The following ATP2B1 variants were observed in gnomAD, a reference collection of about 807,000 sequenced individuals.
ATP2B1 encodes the protein ATPase plasma membrane Ca2+ transporting 1, also known as plasma membrane calcium-transporting ATPase 1.
Under a neutral mutation model 124.2 loss-of-function variants are expected in ATP2B1, and 14 were observed. That is an observed-to-expected ratio of 0.11 (90% CI 0.07 to 0.18). The LOEUF (loss-of-function observed/expected upper bound fraction) is 0.18, where lower values mean the gene tolerates loss of function less well. ATP2B1 is among the 10% of genes least tolerant of loss of function. ATP2B1 has a pLI of 1.00. For missense variants in ATP2B1, 763 were observed against 1,466.1 expected (o/e 0.52, Z 7.83); for synonymous variants, 449 against 492.4 (o/e 0.91, Z 1.17).
chr12:89,629,772 G>T (rs771500072), intron 6 of ATP2B1, among the ~76,000 whole-genome samples: 8 of 152,098 alleles, frequency 5.3e-5, no homozygotes, highest in Non-Finnish European at 7.4e-5. Flanking sequence ...CAACCTAAAG[G>T]GAAAAGACTC....
At chr12:89,676,969 AT>A (rs1459037997) in intron 1 of ATP2B1, among the ~76,000 whole-genome samples, 1 of 152,100 alleles carries the variant, frequency 6.6e-6, no homozygotes, top group African/African-American at 2.4e-5. Flanking sequence ...ACTTGTATGC[AT>A]TATGGACCAA....
chr12:89,608,753 A>G (rs1466622134), intron 15 of ATP2B1, among the ~76,000 whole-genome samples: 1 of 152,190 alleles, frequency 6.6e-6, no homozygotes, highest in Non-Finnish European at 1.5e-5. Flanking sequence ...GAATCCTGCT[A>G]AATGCTCAAG....
At chr12:89,616,719 A>C in intron 12 of ATP2B1, 83 bp downstream of exon 12, 1 of 1,311,362 alleles carries the variant, frequency 7.6e-7, no homozygotes, top group Non-Finnish European at 1.1e-6. Context: ...CAAGAATTTT[A>C]CTAGAAAACT....
At chr12:89,606,337 A>G (rs1876862840) in intron 15 of ATP2B1, among the ~76,000 whole-genome samples, 1 of 152,226 alleles carries the variant, frequency 6.6e-6, no homozygotes, top group Admixed American at 6.5e-5. Flanking sequence ...TACATAACTA[A>G]GTAAAAGAAG....
chr12:89,629,916 G>T (rs905483923), intron 6 of ATP2B1, among the ~76,000 whole-genome samples: 2 of 151,896 alleles, frequency 1.3e-5, no homozygotes, highest in African/African-American at 2.4e-5. Context: ...ACAGTTTCTT[G>T]TAAGATCCTT....
intron 2 of ATP2B1, among the ~76,000 whole-genome samples, chr12:89,644,159 A>C (rs997895387): frequency 1.3e-5 from 2 of 152,194 alleles, no homozygotes; most frequent in Non-Finnish European, 2.9e-5. Flanking sequence ...AGAATGCTAG[A>C]GAAGAAGGCA....
chr12:89,666,174 T>C (rs1195906059), intron 1 of ATP2B1, among the ~76,000 whole-genome samples: 1 of 152,142 alleles, frequency 6.6e-6, no homozygotes, highest in African/African-American at 2.4e-5. Context: ...TAAGGTAAAT[T>C]CTATTTTAAG....
chr12:89,629,427 C>T (rs912466727), intron 6 of ATP2B1, among the ~76,000 whole-genome samples: 19 of 152,074 alleles, frequency 1.2e-4, no homozygotes, highest in Admixed American at 2.0e-4. Flanking sequence ...TCTACTCAGC[C>T]TTAAGAAACG....
At chr12:89,670,833 T>G (rs150628577) in intron 1 of ATP2B1, among the ~76,000 whole-genome samples, 96 of 151,044 alleles carry the variant, frequency 6.4e-4, no homozygotes, top group African/African-American at 2.1e-3. Context: ...CTGATCTAAA[T>G]GTAAAGAGAA....
At chr12:89,610,302 T>C (rs1877753716) in intron 14 of ATP2B1, 119 bp downstream of exon 14, 1 of 932,258 alleles carries the variant, frequency 1.1e-6, no homozygotes, top group Non-Finnish European at 1.6e-6. Flanking sequence ...TGTATTTAGA[T>C]TTTATTAAAA....
intron 2 of ATP2B1, among the ~76,000 whole-genome samples, chr12:89,644,606 C>G (rs1388833975): frequency 6.6e-6 from 1 of 150,760 alleles, no homozygotes; most frequent in African/African-American, 2.4e-5. Flanking sequence ...AAGACAGAGT[C>G]AATAGAAAGC....
chr12:89,621,765 T>C lies in ATP2B1; in HGVS notation c.1371A>G (p.Val457=). 4 of 1,579,258 alleles carry C rather than the reference T, an allele frequency of 2.5e-6. No individual in the cohort carries two copies. The highest frequency in any genetic ancestry group is 3.4e-6 in the Non-Finnish European group (4 of 1,165,718). ...VKKMMKDNNL[V]RHLDACETMG... is the part of the protein sequence containing the mutation. The stretch of plus-strand genomic sequence containing the variant: ...TGGTTTCACAAGCATCCAGATGCCT[T>C]ACTAAGTTATTATCTTTCATCATTT... The change falls in exon 10 of 21, where the codon GTA becomes GTG. Residue 457 remains valine (V), a synonymous_variant. Coordinates refer to ENST00000428670, the MANE Select transcript of ATP2B1 (RefSeq NM_001366521.1).
At chr12:89,643,065 TACAC>T (rs145355576) in intron 2 of ATP2B1, among the ~76,000 whole-genome samples, 8,652 of 143,594 alleles carry the variant, frequency 0.06, 324 homozygotes, top group East Asian at 0.1. Flanking sequence ...TAAAGATACA[TACAC>T]ACACACACAC....
rs1876299816 is a variant in ATP2B1, at chr12:89,603,653, G to C, written c.2848+59C>G. 9.1e-6 allele frequency: 14 copies of C among 1,530,512 alleles called. No individual in the cohort carries two copies. The highest frequency in any genetic ancestry group is 1.8e-4 in the Middle Eastern group (1 of 5,662). The allele number at this position is 1,530,512 out of a possible 1,614,324, so 94.8% of individuals were successfully genotyped here. ...AAATTTGTAACATTATAACATCTTG[G>C]ATGATTAGCTTGGAAAAGAAACAAT... On this transcript the variant is annotated intron_variant, in intron 17 of 20. Transcript: ENST00000428670. The surrounding 1 kb of genome is among the most constrained non-coding windows in gnomAD (Gnocchi z 4.3).
intron 1 of ATP2B1, among the ~76,000 whole-genome samples, chr12:89,690,887 C>T (rs1423396324): frequency 6.6e-6 from 1 of 152,096 alleles, no homozygotes; most frequent in African/African-American, 2.4e-5. Flanking sequence ...GGCTTTTTTG[C>T]AGTCAATATT....
At chr12:89,686,435 C>G (rs767372029) in intron 1 of ATP2B1, among the ~76,000 whole-genome samples, 1 of 152,046 alleles carries the variant, frequency 6.6e-6, no homozygotes, top group Admixed American at 6.6e-5. Context: ...TATGCTTTTG[C>G]GTACACTCAC....
intron 10 of ATP2B1, among the ~76,000 whole-genome samples, chr12:89,620,525 C>A (rs913214940): frequency 6.6e-6 from 1 of 152,000 alleles, no homozygotes; most frequent in Non-Finnish European, 1.5e-5. Context: ...ACTTATGACC[C>A]CAAAATTAAG....
At chr12:89,692,958 GT>G (rs1468863126) in intron 1 of ATP2B1, among the ~76,000 whole-genome samples, 1 of 152,146 alleles carries the variant, frequency 6.6e-6, no homozygotes, top group Non-Finnish European at 1.5e-5. Flanking sequence ...ATGTTGCAGT[GT>G]CCAAGAACCT....
Position 89,621,492 on chromosome 12 carries a change from A to AATG in ATP2B1, c.1587+56_1587+57insCAT. 2.2e-6 allele frequency: 3 copies of AATG among 1,339,420 alleles called. No homozygotes were observed. The East Asian group carries it at 7.6e-5, about 34-fold the overall frequency. 83.0% of individuals were successfully genotyped at this position (1,339,420 alleles called of 1,614,324 possible). On this transcript the variant is annotated intron_variant, in intron 10 of 20. Transcript: ENST00000428670. ...AATGGTGGTCTGAAGACTTACATAT[A>AATG]GTCTGATCATTATAGATTTAAAAAT... is the stretch of plus-strand genomic sequence containing the variant.
Sources: gnomAD v4.1 joint callset for allele counts (sites outside exome capture counted in the v4.1 genomes callset) on GRCh38, gnomAD v4.1.1 for gene constraint, Gnocchi (gnomAD v3.1) non-coding constraint, MANE v1.5 for transcripts, NCBI Gene and HGNC (gene_info 2026-07-23, HGNC 2026-07-21) for gene names.